The following ARHGEF3 variants were observed in gnomAD, a reference collection of about 807,000 sequenced individuals.
ARHGEF3 encodes 59.8 kDA protein.
In ARHGEF3, 28 loss-of-function variants were observed where a neutral mutation model predicts 63.2. The observed-to-expected ratio is 0.44, with a 90% CI of 0.33 to 0.61. The LOEUF (loss-of-function observed/expected upper bound fraction) is 0.61, where lower values mean the gene tolerates loss of function less well. ARHGEF3 is among the 20% of genes least tolerant of loss of function. The pLI, the probability that ARHGEF3 is intolerant of heterozygous loss-of-function variation, is 0.03. For synonymous variants in ARHGEF3, 266 were observed against 254.2 expected (o/e 1.05, Z -0.44); for missense variants, 533 against 659.3 (o/e 0.81, Z 2.10).
intron 2 of ARHGEF3, among the ~76,000 whole-genome samples, chr3:57,006,145 T>C (rs1702458370): frequency 6.6e-6 from 1 of 152,200 alleles, no homozygotes; most frequent in Admixed American, 6.5e-5. Flanking sequence ...GAACCACTTT[T>C]AATAGGATCT....
At chr3:56,849,166 A>C (rs907857449) in intron 4 of ARHGEF3, among the ~76,000 whole-genome samples, 1 of 152,186 alleles carries the variant, frequency 6.6e-6, no homozygotes, top group African/African-American at 2.4e-5. Flanking sequence ...AGGCTTCTTC[A>C]TTCTGTATGT....
intron 3 of ARHGEF3, among the ~76,000 whole-genome samples, chr3:56,923,025 AATATATATATATATATATATAT>A (rs72294634): frequency 7.9e-4 from 72 of 91,282 alleles, no homozygotes; most frequent in Middle Eastern, 4.5e-3. Flanking sequence ...ATCTCTACTA[AATATATATATATATATATATAT>A]ATATATATAT....
chr3:56,757,725 CT>C (rs908132883), intron 2 of ARHGEF3, among the ~76,000 whole-genome samples: 37 of 146,190 alleles, frequency 2.5e-4, no homozygotes, highest in African/African-American at 3.0e-4. Context: ...TATTTTTAGC[CT>C]TTTTTTTTTG....
At chr3:56,935,886 T>C (rs1698877904) in intron 3 of ARHGEF3, among the ~76,000 whole-genome samples, 2 of 152,200 alleles carry the variant, frequency 1.3e-5, no homozygotes, top group Admixed American at 1.3e-4. Context: ...TAAGTCAATC[T>C]TCATAATAAC....
chr3:56,754,428 G>C (rs1287311132), intron 3 of ARHGEF3, among the ~76,000 whole-genome samples: 1 of 152,182 alleles, frequency 6.6e-6, no homozygotes, highest in Non-Finnish European at 1.5e-5. Context: ...GACAAAGCAG[G>C]TGGAGGCACA....
At chr3:56,741,881 C>G (rs1240853967) in intron 7 of ARHGEF3, among the ~76,000 whole-genome samples, 1 of 152,144 alleles carries the variant, frequency 6.6e-6, no homozygotes, top group East Asian at 1.9e-4. Context: ...CTGCCAATAG[C>G]CAGTCAACAG....
chr3:56,850,174 T>C (rs555865607), intron 4 of ARHGEF3, among the ~76,000 whole-genome samples: 2 of 152,320 alleles, frequency 1.3e-5, no homozygotes, highest in East Asian at 3.9e-4. Context: ...CCTGGAATTT[T>C]TGAAAATATC....
At chr3:56,766,210 T>C (rs2035694973) in intron 2 of ARHGEF3, among the ~76,000 whole-genome samples, 2 of 152,170 alleles carry the variant, frequency 1.3e-5, no homozygotes, top group Admixed American at 1.3e-4. Context: ...CCCCATTAAG[T>C]CTAGGCAGAA....
chr3:57,022,707 T>C (rs1184218382), intron 2 of ARHGEF3, among the ~76,000 whole-genome samples: 1 of 151,784 alleles, frequency 6.6e-6, no homozygotes, highest in Non-Finnish European at 1.5e-5. Flanking sequence ...GACTGCCCTG[T>C]CCAGTCACCT....
intron 2 of ARHGEF3, among the ~76,000 whole-genome samples, chr3:57,017,582 C>G (rs1703072699): frequency 6.6e-6 from 1 of 152,208 alleles, no homozygotes; most frequent in African/African-American, 2.4e-5. Context: ...GGGTTGACTC[C>G]TTGGTCCTTG....
In ARHGEF3 at chr3:56,880,978, G is replaced by C. The variant is rs1362599165; in HGVS notation, c.192+1314C>G. On this transcript the variant is annotated intron_variant, in intron 4 of 12. Coordinates refer to the ARHGEF3 transcript ENST00000338458. ...AGTACATTAATTAGAGCCAGTTCAA[G>C]CTCGCTCCATCATGGCTGGTTGCAT... Among the ~76,000 whole-genome samples the C allele has an allele frequency of 2.0e-5, 3 of 152,112 alleles. No homozygotes were observed. The East Asian group carries it at 5.8e-4, about 29-fold the overall frequency.
chr3:56,846,035 G>T (rs2039477254), intron 4 of ARHGEF3, among the ~76,000 whole-genome samples: 1 of 152,156 alleles, frequency 6.6e-6, no homozygotes, highest in Non-Finnish European at 1.5e-5. Context: ...GGATCTCTGT[G>T]TTACCCTTGT....
intron 2 of ARHGEF3, among the ~76,000 whole-genome samples, chr3:56,763,872 G>A (rs2035560446): frequency 6.6e-6 from 1 of 151,954 alleles, no homozygotes; most frequent in African/African-American, 2.4e-5. Context: ...ACTGCACCTG[G>A]CTGATTTTTA....
intron 2 of ARHGEF3, among the ~76,000 whole-genome samples, chr3:56,998,399 C>T (rs895074532): frequency 3.4e-5 from 5 of 148,028 alleles, no homozygotes; most frequent in Non-Finnish European, 7.5e-5. Flanking sequence ...TCTTCCCGGT[C>T]ATCCTGACTT....
At chr3:56,815,040 A>C (rs745554174) in intron 4 of ARHGEF3, among the ~76,000 whole-genome samples, 1 of 151,984 alleles carries the variant, frequency 6.6e-6, no homozygotes, top group Non-Finnish European at 1.5e-5. Flanking sequence ...GCTACTCAGG[A>C]GGCTGAGGCA....
intron 2 of ARHGEF3, among the ~76,000 whole-genome samples, chr3:56,978,333 T>C (rs78994155): frequency 0.029 from 4,366 of 152,328 alleles, 106 homozygotes; most frequent in Non-Finnish European, 0.041. Flanking sequence ...AAGGTTAGGA[T>C]TGATCCGGGG....
Position 56,916,489 on chromosome 3 carries a change from G to A in ARHGEF3, c.130-34135C>T, listed in dbSNP as rs896866380. ...GGCTGCATGACAGGAAGTGACAGGG[G>A]CCATCAGTTACAAGTGTCAGAGGCT... On this transcript the variant is annotated intron_variant, in intron 3 of 12. Transcript: ENST00000338458. The A allele has an allele frequency of 7.2e-6, 10 of 1,385,748 alleles. 1 individual carries two copies. In the East Asian group the frequency reaches 8.5e-5, roughly 12 times the overall value. 85.8% of individuals were successfully genotyped at this position (1,385,748 alleles called of 1,614,324 possible). A position where few individuals can be genotyped will look rare whatever the true frequency, so the allele number is the denominator to read the frequency against.
At chr3:56,882,468 G>T (rs2108259413) in intron 3 of ARHGEF3, 2 of 820,934 alleles carry the variant, frequency 2.4e-6, no homozygotes, top group South Asian at 1.5e-5. Flanking sequence ...TTCTACCATG[G>T]TACCCAAAAC....
At chr3:57,031,495 C>A (rs1179464788) in intron 2 of ARHGEF3, among the ~76,000 whole-genome samples, 1 of 152,150 alleles carries the variant, frequency 6.6e-6, no homozygotes, top group Non-Finnish European at 1.5e-5. Context: ...CTATTATTAT[C>A]CCCACTGACC....
Sources: allele counts gnomAD v4.1 joint callset (sites outside exome capture counted in the v4.1 genomes callset), GRCh38; gene constraint gnomAD v4.1.1; transcripts MANE v1.5; gene names NCBI Gene and HGNC (gene_info 2026-07-23, HGNC 2026-07-21).